The following OGDH variants were observed in gnomAD, a reference collection of about 807,000 sequenced individuals.
The protein encoded by OGDH is 2-oxoglutarate dehydrogenase complex component E1.
In OGDH, 38 loss-of-function variants were observed where a neutral mutation model predicts 116.6. That is an observed-to-expected ratio of 0.33 (90% CI 0.25 to 0.43). OGDH has a LOEUF of 0.43. Ranked by LOEUF, OGDH falls within the 20% of genes least tolerant of loss-of-function variation. The pLI is 1.00. For synonymous variants in OGDH, 488 were observed against 533.3 expected (o/e 0.92, Z 1.17); for missense variants, 825 against 1,357.2 (o/e 0.61, Z 6.16).
At chr7:44,696,682 C>T in intron 14 of OGDH, 125 bp downstream of exon 14, 1 of 1,400,798 alleles carries the variant, frequency 7.1e-7, no homozygotes, top group South Asian at 1.4e-5. Context: ...CTGCCCTGCT[C>T]AAGGCCTCTG....
chr7:44,706,917 C>G (rs1183748812), intron 20 of OGDH, among the ~76,000 whole-genome samples: 4 of 152,202 alleles, frequency 2.6e-5, no homozygotes, highest in African/African-American at 9.7e-5. Flanking sequence ...AGCCACCGCA[C>G]CCGGCCGGGA....
At chr7:44,667,208 C>T (rs1787223913) in intron 5 of OGDH, among the ~76,000 whole-genome samples, 1 of 152,146 alleles carries the variant, frequency 6.6e-6, no homozygotes, top group South Asian at 2.1e-4. Flanking sequence ...ACCTCGGCCT[C>T]TCGAAGTGCT....
intron 10 of OGDH, among the ~76,000 whole-genome samples, chr7:44,691,108 G>A (rs1408639629): frequency 6.6e-6 from 1 of 152,188 alleles, no homozygotes; most frequent in Non-Finnish European, 1.5e-5. Context: ...GCATCAGGAA[G>A]ATCTGTAGAA....
At chr7:44,666,322 A>C (rs1179624331) in intron 4 of OGDH, among the ~76,000 whole-genome samples, 1 of 151,956 alleles carries the variant, frequency 6.6e-6, no homozygotes, top group Non-Finnish European at 1.5e-5. Context: ...TCAGTTCTTC[A>C]TTTTCTACTT....
rs1278455257 is a variant in OGDH at position 44,688,324 on chromosome 7, TCACGCCATTG to T, written c.1336-5497_1336-5488del. ...AGGCGGAGATTGCGGTGAGCCGAGATCACGCCATTGCACCACAGCCTGGGTGACAGAGCAA... is the reference window on the plus strand; with the variant it reads ...AGGCGGAGATTGCGGTGAGCCGAGATCACCACAGCCTGGGTGACAGAGCAA... On this transcript the variant is annotated intron_variant, in intron 10 of 22. Coordinates refer to ENST00000222673, the MANE Select transcript of OGDH (RefSeq NM_002541.4). Among the ~76,000 whole-genome samples, 4 of 151,204 alleles carry T rather than the reference TCACGCCATTG, an allele frequency of 2.6e-5. No homozygotes were observed. In the South Asian group the frequency reaches 6.3e-4, roughly 24 times the overall value.
At chr7:44,700,554 C>T (rs1011573265) in intron 19 of OGDH, among the ~76,000 whole-genome samples, 17 of 152,136 alleles carry the variant, frequency 1.1e-4, no homozygotes, top group African/African-American at 4.1e-4. Context: ...GTGGGGAGGA[C>T]GGATGTTTGA....
At chr7:44,691,141 T>A (rs1020628344) in intron 10 of OGDH, among the ~76,000 whole-genome samples, 2 of 152,226 alleles carry the variant, frequency 1.3e-5, no homozygotes, top group Admixed American at 6.5e-5. Flanking sequence ...ACTTCTTAGC[T>A]GAGTCTCTTA....
At chr7:44,689,484 C>T (rs1248688026) in intron 10 of OGDH, among the ~76,000 whole-genome samples, 3 of 147,662 alleles carry the variant, frequency 2.0e-5, no homozygotes, top group African/African-American at 7.6e-5. Context: ...AGTTATCCAC[C>T]TGCCTCAGCC....
intron 12 of OGDH, among the ~76,000 whole-genome samples, chr7:44,695,418 TGTG>T (rs1401920136): frequency 6.6e-6 from 1 of 151,854 alleles, no homozygotes; most frequent in African/African-American, 2.4e-5. Flanking sequence ...TAAGAAAAAA[TGTG>T]GTGGGCTGGG....
chr7:44,684,403 T>A (rs1347668456), intron 10 of OGDH, among the ~76,000 whole-genome samples: 1 of 152,108 alleles, frequency 6.6e-6, no homozygotes, highest in East Asian at 1.9e-4. Flanking sequence ...GTAAATATGC[T>A]CACTAAGTAG....
intron 12 of OGDH, among the ~76,000 whole-genome samples, 185 bp from the exon 13 acceptor site, chr7:44,695,840 C>T (rs1199921189): frequency 6.6e-6 from 1 of 152,120 alleles, no homozygotes; most frequent in Non-Finnish European, 1.5e-5. Context: ...TGAGAAGGAG[C>T]AGGCCCAGAG....
chr7:44,666,957 T>A, intron 5 of OGDH, 106 bp downstream of exon 5: 1 of 687,638 alleles, frequency 1.5e-6, no homozygotes, highest in East Asian at 3.0e-5. Context: ...TCTTTCTATT[T>A]TATTTTTTCT....
intron 2 of OGDH, among the ~76,000 whole-genome samples, chr7:44,640,695 A>G (rs1409014892): frequency 1.3e-5 from 2 of 151,998 alleles, no homozygotes; most frequent in Non-Finnish European, 2.9e-5. Flanking sequence ...TTAGGGGTTT[A>G]ATAAAGTTTG....
intron 1 of OGDH, among the ~76,000 whole-genome samples, chr7:44,617,374 T>C (rs1162099387): frequency 6.6e-6 from 1 of 152,184 alleles, no homozygotes; most frequent in Non-Finnish European, 1.5e-5. Context: ...AGTGACTTGG[T>C]GTCACGTGGT....
At chr7:44,700,392 G>A in intron 19 of OGDH, 123 bp downstream of exon 19, 2 of 1,259,426 alleles carry the variant, frequency 1.6e-6, no homozygotes, top group East Asian at 4.7e-5. Context: ...GGGTAGTGTG[G>A]ACAGGACATG....
chr7:44,648,257 A>G (rs1048653032), intron 4 of OGDH, among the ~76,000 whole-genome samples: 1 of 152,168 alleles, frequency 6.6e-6, no homozygotes, highest in African/African-American at 2.4e-5. Flanking sequence ...CTGATTTGTA[A>G]TTGCTGGTGA....
intron 4 of OGDH, among the ~76,000 whole-genome samples, chr7:44,666,227 C>A (rs1230104255): frequency 6.6e-6 from 1 of 152,182 alleles, no homozygotes; most frequent in African/African-American, 2.4e-5. Context: ...GTGACTGTTT[C>A]TCCTTCACTT....
intron 10 of OGDH, among the ~76,000 whole-genome samples, chr7:44,688,182 C>A (rs1250638954): frequency 2.0e-5 from 3 of 151,960 alleles, no homozygotes; most frequent in Admixed American, 6.6e-5. Flanking sequence ...ACCAGCCTGG[C>A]CAACATGATG....
chr7:44,619,421 A>G (rs984885666), intron 1 of OGDH, among the ~76,000 whole-genome samples: 1 of 152,144 alleles, frequency 6.6e-6, no homozygotes, highest in African/African-American at 2.4e-5. Flanking sequence ...GGTAGGGAGA[A>G]TTCCCCACAC....
Sources: gnomAD v4.1 joint callset for allele counts (sites outside exome capture counted in the v4.1 genomes callset) on GRCh38, gnomAD v4.1.1 for gene constraint, MANE v1.5 for transcripts, NCBI Gene and HGNC (gene_info 2026-07-23, HGNC 2026-07-21) for gene names.